Variants in TCF12 observed in about 807,000 individuals in gnomAD.
TCF12 encodes the protein transcription factor 12.
A neutral mutation model predicts 86.0 loss-of-function variants in TCF12; 45 were observed. The ratio of observed to expected loss-of-function variants is 0.52; its 90% CI spans 0.41 to 0.67. The LOEUF is 0.67. TCF12 is among the 30% of genes least tolerant of loss of function. TCF12 has a pLI of 0.00. For missense variants in TCF12, 881 were observed against 859.9 expected, an observed-to-expected ratio of 1.02 and a Z score of -0.31; for synonymous variants, 330 against 299.6, an observed-to-expected ratio of 1.10 and a Z score of -1.05.
At chr15:57,263,874 G>A (rs981096804) in intron 18 of TCF12, among the ~76,000 whole-genome samples, 47 of 152,144 alleles carry the variant, frequency 3.1e-4, no homozygotes, top group African/African-American at 1.1e-3. Flanking sequence ...AATGGTACCC[G>A]TATAGGCCAC....
intron 8 of TCF12, among the ~76,000 whole-genome samples, chr15:57,227,045 T>C (rs1566946347): frequency 6.6e-6 from 1 of 152,088 alleles, no homozygotes; most frequent in Non-Finnish European, 1.5e-5. Flanking sequence ...ATATAGCTAT[T>C]GTCACATACT....
At chr15:57,219,471 G>A (rs1221788666) in intron 8 of TCF12, 4 of 1,590,728 alleles carry the variant, frequency 2.5e-6, no homozygotes, top group Non-Finnish European at 3.4e-6. Flanking sequence ...TATATGTCTT[G>A]GAGAGAGGCT....
chr15:57,209,295 G>A (rs1358328164), intron 8 of TCF12, among the ~76,000 whole-genome samples: 2 of 152,048 alleles, frequency 1.3e-5, no homozygotes, highest in African/African-American at 2.4e-5. Context: ...TTAATTCCTA[G>A]TTACCAAAAT....
chr15:57,266,138 G>A (rs1175955163), intron 18 of TCF12, among the ~76,000 whole-genome samples: 1 of 151,408 alleles, frequency 6.6e-6, no homozygotes, highest in Non-Finnish European at 1.5e-5. Flanking sequence ...TAAAGACAGG[G>A]TCTCGCTGTC....
rs185597883 is a variant in TCF12 at position 57,263,364 on chromosome 15, C to G, written c.1745+90C>G. 23 of 1,316,736 alleles carry G rather than the reference C, an allele frequency of 1.7e-5. No individual in the cohort carries two copies. The African/African-American group carries it at 3.4e-4, about 20-fold the overall frequency. The allele number at this position is 1,316,736 out of a possible 1,614,324, so 81.6% of individuals were successfully genotyped here. ...TGGGTGTCATGCATTTATTAACTGTCAGCTATGTTCTAGATATTGTGTTAG... is the reference window on the plus strand; with the variant it reads ...TGGGTGTCATGCATTTATTAACTGTGAGCTATGTTCTAGATATTGTGTTAG... On this transcript the variant is annotated intron_variant, in intron 18 of 20. Transcript: ENST00000333725.
chr15:57,282,126 T>C (rs2061718147), intron 19 of TCF12: 1 of 366,344 alleles, frequency 2.7e-6, no homozygotes, highest in East Asian at 7.2e-5. Flanking sequence ...TAGTAGGACA[T>C]TGAAGAGACT....
At chr15:57,120,038 T>C (rs2051118871) in intron 5 of TCF12, among the ~76,000 whole-genome samples, 1 of 152,256 alleles carries the variant, frequency 6.6e-6, no homozygotes, top group South Asian at 2.1e-4. Context: ...TTGCATGCTT[T>C]TCTTTCACAT....
intron 3 of TCF12, among the ~76,000 whole-genome samples, chr15:56,938,846 A>C (rs2060601802): frequency 6.6e-6 from 1 of 152,178 alleles, no homozygotes; most frequent in Admixed American, 6.5e-5. Flanking sequence ...TCCATAACAC[A>C]GTCCATTTCA....
intron 3 of TCF12, among the ~76,000 whole-genome samples, chr15:56,952,089 T>A (rs1381247918): frequency 2.6e-5 from 4 of 152,214 alleles, no homozygotes; most frequent in Admixed American, 6.5e-5. Flanking sequence ...ACACCATTTG[T>A]TGAATAGATT....
At chr15:57,013,985 C>CT (rs1211050685) in intron 3 of TCF12, among the ~76,000 whole-genome samples, 2 of 152,092 alleles carry the variant, frequency 1.3e-5, no homozygotes, top group African/African-American at 2.4e-5. Context: ...ACAAAGTACT[C>CT]TTAAGTTTCT....
intron 3 of TCF12, among the ~76,000 whole-genome samples, chr15:56,943,416 T>C (rs1351055880): frequency 6.6e-6 from 1 of 152,232 alleles, no homozygotes; most frequent in African/African-American, 2.4e-5. Flanking sequence ...TCTCCTTGTT[T>C]AGAAAACAGA....
intron 5 of TCF12, among the ~76,000 whole-genome samples, chr15:57,094,189 A>G (rs181254877): frequency 2.6e-5 from 4 of 152,304 alleles, no homozygotes; most frequent in East Asian, 1.9e-4. Flanking sequence ...TGTCTGGCCC[A>G]GACCATACGT....
intron 16 of TCF12, among the ~76,000 whole-genome samples, chr15:57,257,782 C>T (rs1320967848): frequency 7.9e-5 from 12 of 151,822 alleles, no homozygotes; most frequent in Middle Eastern, 3.2e-3. Flanking sequence ...AAGGTCTACA[C>T]GGACACAGTA....
intron 5 of TCF12, among the ~76,000 whole-genome samples, chr15:57,106,063 C>A (rs551917270): frequency 4.6e-5 from 7 of 152,098 alleles, no homozygotes; most frequent in African/African-American, 1.7e-4. Flanking sequence ...TATTACACAG[C>A]CTTCAGAGTC....
intron 3 of TCF12, among the ~76,000 whole-genome samples, chr15:56,993,865 G>A (rs1448783974): frequency 6.6e-6 from 1 of 152,124 alleles, no homozygotes; most frequent in Non-Finnish European, 1.5e-5. Context: ...TCCAAAATTA[G>A]CTAACATATG....
chr15:56,989,531 T>C (rs1357998314), intron 3 of TCF12, among the ~76,000 whole-genome samples: 2 of 152,210 alleles, frequency 1.3e-5, no homozygotes, highest in African/African-American at 2.4e-5. Flanking sequence ...TTGCTTATAT[T>C]GTGTTTATAT....
At chr15:56,971,100 G>A (rs909576426) in intron 3 of TCF12, among the ~76,000 whole-genome samples, 3 of 151,970 alleles carry the variant, frequency 2.0e-5, no homozygotes, top group African/African-American at 7.2e-5. Flanking sequence ...CAGAAATAAG[G>A]GCTATCCTTC....
intron 4 of TCF12, among the ~76,000 whole-genome samples, chr15:57,087,468 A>T (rs1465105710): frequency 1.3e-5 from 2 of 151,396 alleles, no homozygotes; most frequent in African/African-American, 4.8e-5. Flanking sequence ...GTTTAGTTTA[A>T]ATATGGAAGC....
At position 57,189,292 on chromosome 15, in the gene TCF12, A is replaced by G. The variant is rs374632675; in HGVS notation, c.391-2866A>G. Reference sequence around the variant, plus strand: ...CTGTACATCAAAGGACATTATCAAGACAGTGAAAAGACAGTCTACAGAATG... The same window carrying G: ...CTGTACATCAAAGGACATTATCAAGGCAGTGAAAAGACAGTCTACAGAATG... On this transcript the variant is annotated intron_variant, in intron 6 of 20. Transcript: ENST00000333725. 3.0e-3 allele frequency among the ~76,000 whole-genome samples: 461 copies of G among 152,336 alleles called. 2 individuals are homozygous for G. The highest frequency in any genetic ancestry group is 0.011 in the African/African-American group (442 of 41,584).
Sources: allele counts gnomAD v4.1 joint callset (sites outside exome capture counted in the v4.1 genomes callset), GRCh38; gene constraint gnomAD v4.1.1; transcripts MANE v1.5; gene names NCBI Gene and HGNC (gene_info 2026-07-23, HGNC 2026-07-21).